Variants in GNPTG observed in about 807,000 individuals in gnomAD.
GNPTG encodes N-acetylglucosamine-1-phosphate transferase subunit gamma.
A neutral mutation model predicts 43.8 loss-of-function variants in GNPTG; 46 were observed. The observed-to-expected ratio is 1.05, with a 90% CI of 0.83 to 1.34. The LOEUF (loss-of-function observed/expected upper bound fraction) is 1.34. Among genes scored for constraint, GNPTG ranks in the 40% most tolerant of loss-of-function variants. The pLI is 0.00. For missense variants in GNPTG, 549 were observed against 411.3 expected, an observed-to-expected ratio of 1.33 and a Z score of -2.90; for synonymous variants, 250 against 172.8, an observed-to-expected ratio of 1.45 and a Z score of -3.50.
chr16:1,352,347 G>C, intron 3 of GNPTG, 41 bp downstream of exon 3: 1 of 1,540,050 alleles, frequency 6.5e-7, no homozygotes, highest in Non-Finnish European at 8.8e-7. Context: ...GGGTGGCCGC[G>C]GGGAGCAGCA....
rs775705721 is a variant in GNPTG, at chr16:1,363,045, C to CTCCAGA, written c.873_878dup (p.Pro292_Glu293insAspPro). ...GGCCACGAGACGCCCAGAGCCAAGT[C>CTCCAGA]TCCAGAGCAGCTGCGGGGTGACCCA... On this transcript the variant is annotated inframe_insertion, in exon 11 of 11. Transcript: ENST00000204679. 4.2e-5 allele frequency: 67 copies of CTCCAGA among 1,613,930 alleles called. 1 individual carries two copies. In the South Asian group the frequency reaches 7.4e-4, roughly 18 times the overall value.
rs1443920292 is a variant in GNPTG, at chr16:1,362,188, C to T, written c.412-18C>T. 31 of 1,613,268 alleles carry T rather than the reference C, an allele frequency of 1.9e-5. No individual in the cohort carries two copies. The highest frequency in any genetic ancestry group is 3.3e-5 in the South Asian group (3 of 91,072). Reference sequence around the variant, plus strand: ...GGCCCCAGTCTCCCCAACCCACCTACCCACGTTCCCTCCCCAGGTGGAGCT... The same window carrying T: ...GGCCCCAGTCTCCCCAACCCACCTATCCACGTTCCCTCCCCAGGTGGAGCT... On this transcript the variant is annotated intron_variant, in intron 6 of 10. Transcript: ENST00000204679.
chr16:1,353,824 A>G (rs1352080075), intron 3 of GNPTG, among the ~76,000 whole-genome samples: 7 of 152,196 alleles, frequency 4.6e-5, no homozygotes, highest in Non-Finnish European at 5.9e-5. Context: ...CTAAGAAGTG[A>G]CATTTCAGCC....
At chr16:1,356,889 GC>G (rs2034786628) in intron 3 of GNPTG, among the ~76,000 whole-genome samples, 1 of 6,304 alleles carries the variant, frequency 1.6e-4, no homozygotes, top group Middle Eastern at 0.17. Flanking sequence ...GCGGGGGTCT[GC>G]GGGCGGGAGT....
At chr16:1,354,297 A>G (rs2034733922) in intron 3 of GNPTG, among the ~76,000 whole-genome samples, 1 of 152,236 alleles carries the variant, frequency 6.6e-6, no homozygotes, top group Admixed American at 6.5e-5. Flanking sequence ...GAAAGAAAAC[A>G]GAATATGCTG....
At chr16:1,356,769 G>A (rs890083279) in intron 3 of GNPTG, among the ~76,000 whole-genome samples, 1 of 152,208 alleles carries the variant, frequency 6.6e-6, no homozygotes, top group East Asian at 1.9e-4. Context: ...CCCTCCTGGG[G>A]TGTCTCCAAG....
rs969196696 is a variant in GNPTG at position 1,362,621 on chromosome 16, A to C, written c.620A>C (p.Lys207Thr). The change falls in exon 9 of 11, where the codon AAG (lysine) becomes ACG (threonine). Residue 207 changes from lysine to threonine, a missense_variant. By Grantham distance (78) the Lys-to-Thr change is moderately conservative (BLOSUM62 -1). Transcript: ENST00000204679. ...DELITPQGHE[K>T]LLRTLFEDAG... The stretch of plus-strand genomic sequence containing the variant: ...ATCCTCCACCTTCAGGGCCATGAGA[A>C]GTTGCTGAGGACACTTTTTGAGGAT... 1 of 1,614,044 alleles carries C rather than the reference A, an allele frequency of 6.2e-7. No individual in the cohort carries two copies. Among genetic ancestry groups the C allele is most frequent in the African/African-American group, 1.3e-5 (1 of 74,938 alleles).
At position 1,363,003 on chromosome 16, in the gene GNPTG, C is replaced by G. The variant is rs757687560; in HGVS notation, c.830C>G (p.Ser277Cys). 5 of 1,613,944 alleles carry G rather than the reference C, an allele frequency of 3.1e-6. No individual in the cohort carries two copies. Among genetic ancestry groups the G allele is most frequent in the Non-Finnish European group, 4.2e-6 (5 of 1,180,026 alleles). The part of the protein sequence containing the change: ...GIPYTRPTET[S>C]NLEHLGHETP... ...CCACCTGGTGTTTTGGCAGAAACTTCCAACTTGGAGCACTTGGGCCACGAG... is the reference window on the plus strand; with the variant it reads ...CCACCTGGTGTTTTGGCAGAAACTTGCAACTTGGAGCACTTGGGCCACGAG... The change falls in exon 11 of 11, where the codon TCC becomes TGC. Residue 277 changes from serine (S) to cysteine (C), a missense_variant. Coordinates refer to ENST00000204679, the MANE Select transcript of GNPTG (RefSeq NM_032520.5).
Position 1,363,939 on chromosome 16 carries a change from G to A in GNPTG, c.*848G>A, listed in dbSNP as rs1321044208. 6.6e-6 allele frequency: 1 copy of A among 152,170 alleles called. No homozygotes were observed. The highest frequency in any genetic ancestry group is 2.4e-5 in the African/African-American group (1 of 41,422). The allele number at this position is 152,170 out of a possible 1,614,324, so 9.4% of individuals were successfully genotyped here. A position where few individuals can be genotyped will look rare whatever the true frequency, so the allele number is the denominator to read the frequency against. ...AGCCCTGGAGACACCCTGAGGGGCGGGCGCCACCTCCTTCCCAGAAAGAGC... is the reference window on the plus strand; with the variant it reads ...AGCCCTGGAGACACCCTGAGGGGCGAGCGCCACCTCCTTCCCAGAAAGAGC... On this transcript the variant is annotated 3_prime_UTR_variant, in exon 11 of 11. Coordinates refer to ENST00000204679, the MANE Select transcript of GNPTG (RefSeq NM_032520.5).
In GNPTG at chr16:1,364,097, CAG is replaced by C. The variant is rs1303182891; in HGVS notation, c.*1009_*1010del. The C allele has an allele frequency of 2.6e-5, 4 of 152,188 alleles. No homozygotes were observed. The highest frequency in any genetic ancestry group is 1.3e-4 in the Admixed American group (2 of 15,284). The allele number at this position is 152,188 out of a possible 1,614,324, so 9.4% of individuals were successfully genotyped here. On this transcript the variant is annotated 3_prime_UTR_variant, in exon 11 of 11. Coordinates refer to ENST00000204679, the MANE Select transcript of GNPTG (RefSeq NM_032520.5). ...CCAAGTGCATAAATACAAATAAAAA[CAG>C]AGTTTACACATCGATGACAGTAGCA...
rs1309807527 is a variant in GNPTG, at chr16:1,362,593, T to TGC, written c.610-17_610-16dup. The TGC allele has an allele frequency of 6.2e-7, 1 of 1,614,178 alleles. No individual in the cohort carries two copies. Among genetic ancestry groups the TGC allele is most frequent in the Admixed American group, 1.7e-5 (1 of 60,030 alleles). ...CTGGCTGGGAGCTGGGTGCTGCCCC[T>TGC]GCATCCTCCACCTTCAGGGCCATGA... is the stretch of plus-strand genomic sequence containing the variant. On this transcript the variant is annotated splice_polypyrimidine_tract_variant and intron_variant, in intron 8 of 10. Coordinates refer to ENST00000204679, the MANE Select transcript of GNPTG (RefSeq NM_032520.5).
At chr16:1,354,894 C>G (rs1451939834) in intron 3 of GNPTG, among the ~76,000 whole-genome samples, 2 of 152,160 alleles carry the variant, frequency 1.3e-5, no homozygotes, top group African/African-American at 2.4e-5. Flanking sequence ...GGATACTCCC[C>G]CGCGTCTGTA....
In GNPTG at chr16:1,354,122, G is replaced by A. The variant is rs576959086; in HGVS notation, c.178+1816G>A. On this transcript the variant is annotated intron_variant, in intron 3 of 10. Coordinates refer to ENST00000204679, the MANE Select transcript of GNPTG (RefSeq NM_032520.5). ...GCGGCTCAGAAGCCATGGGATGGTG[G>A]CTTCCCAGGGCCTGAAGTGCTGGAG... 2.6e-5 allele frequency among the ~76,000 whole-genome samples: 4 copies of A among 152,282 alleles called. No homozygotes were observed. In the East Asian group the frequency reaches 7.7e-4, roughly 29 times the overall value.
chr16:1,362,089 G>GAGGGAC lies in GNPTG; in HGVS notation c.370_375dup (p.Arg124_Asp125dup). ...ACAACACCTTCACGGGCATGTGGAT[G>GAGGGAC]AGGGACGGTGACGCCTGCCGTTCCC... On this transcript the variant is annotated inframe_insertion, in exon 6 of 11. Coordinates refer to ENST00000204679, the MANE Select transcript of GNPTG (RefSeq NM_032520.5). The GAGGGAC allele has an allele frequency of 6.2e-7, 1 of 1,611,750 alleles. No homozygotes were observed. Among genetic ancestry groups the GAGGGAC allele is most frequent in the East Asian group, 2.2e-5 (1 of 44,718 alleles).
At position 1,362,161 on chromosome 16, in the gene GNPTG, G is replaced by A. The variant is rs747545433; in HGVS notation, c.411+30G>A. 4.3e-6 allele frequency: 7 copies of A among 1,612,878 alleles called. No individual in the cohort carries two copies. The South Asian group carries it at 4.4e-5, about 10-fold the overall frequency. ...GGCCTCAGACGGGAGCCCGGGAAGAGGGGCCCCAGTCTCCCCAACCCACCT... is the reference window on the plus strand; with the variant it reads ...GGCCTCAGACGGGAGCCCGGGAAGAAGGGCCCCAGTCTCCCCAACCCACCT... On this transcript the variant is annotated intron_variant, in intron 6 of 10. Coordinates refer to ENST00000204679, the MANE Select transcript of GNPTG (RefSeq NM_032520.5).
In GNPTG at chr16:1,363,350, T is replaced by C; in HGVS notation, c.*259T>C. The C allele has an allele frequency of 2.1e-6, 1 of 479,136 alleles. No homozygotes were observed. The highest frequency in any genetic ancestry group is 3.3e-5 in the Admixed American group (1 of 29,874). 29.7% of individuals were successfully genotyped at this position (479,136 alleles called of 1,614,324 possible). On this transcript the variant is annotated 3_prime_UTR_variant, in exon 11 of 11. Transcript: ENST00000204679. ...GCTACAAGTAAATGATTATAAATAC[T>C]ACCTTCTGGGTTAAGAAAATTCCAT...
In GNPTG at chr16:1,362,600, TCC is replaced by T; in HGVS notation, c.610-10_610-9del. The T allele has an allele frequency of 6.2e-7, 1 of 1,614,138 alleles. No individual in the cohort carries two copies. The highest frequency in any genetic ancestry group is 8.5e-7 in the Non-Finnish European group (1 of 1,180,016). ...GGAGCTGGGTGCTGCCCCTGCATCC[TCC>T]ACCTTCAGGGCCATGAGAAGTTGCT... On this transcript the variant is annotated splice_polypyrimidine_tract_variant and intron_variant, in intron 8 of 10. Transcript: ENST00000204679.
chr16:1,363,334 A>G lies in GNPTG; in HGVS notation c.*243A>G. 1 of 509,922 alleles carries G rather than the reference A, an allele frequency of 2.0e-6. No individual in the cohort carries two copies. Among genetic ancestry groups the G allele is most frequent in the Non-Finnish European group, 3.6e-6 (1 of 281,268 alleles). The allele number at this position is 509,922 out of a possible 1,614,324, so 31.6% of individuals were successfully genotyped here. On this transcript the variant is annotated 3_prime_UTR_variant, in exon 11 of 11. Coordinates refer to ENST00000204679, the MANE Select transcript of GNPTG (RefSeq NM_032520.5). ...TAACTTTAAACAGTTCGCTACAAGT[A>G]AATGATTATAAATACTACCTTCTGG...
At chr16:1,355,207 G>C (rs1202213405) in intron 3 of GNPTG, among the ~76,000 whole-genome samples, 1 of 152,210 alleles carries the variant, frequency 6.6e-6, no homozygotes, top group Non-Finnish European at 1.5e-5. Context: ...GGGGTCGGGT[G>C]TGGATCCTCT....
Sources: allele counts gnomAD v4.1 joint callset (sites outside exome capture counted in the v4.1 genomes callset), GRCh38; gene constraint gnomAD v4.1.1; transcripts MANE v1.5; gene names NCBI Gene and HGNC (gene_info 2026-07-23, HGNC 2026-07-21).